The following ZNF547 variants were observed in gnomAD, a reference collection of about 807,000 sequenced individuals.
ZNF547 encodes the protein zinc finger protein 547.
Under a neutral mutation model 7.7 loss-of-function variants are expected in ZNF547, and 4 were observed. The ratio of observed to expected loss-of-function variants is 0.52; its 90% CI spans 0.26 to 1.20. The LOEUF is 1.20. Among genes scored for constraint, ZNF547 ranks in the 50% most tolerant of loss-of-function variants. The pLI, the probability that ZNF547 is intolerant of heterozygous loss-of-function variation, is 0.14. For synonymous variants in ZNF547, 166 were observed against 166.2 expected (o/e 1.00, Z 0.01); for missense variants, 449 against 485.8 (o/e 0.92, Z 0.71).
intron 1 of ZNF547, chr19:57,368,284 G>C (rs2123013204): frequency 2.3e-6 from 1 of 437,472 alleles, no homozygotes. Context: ...ACGAGTGTTT[G>C]ACACCGGTAA....
At chr19:57,376,464 AT>A (rs111391449) in intron 3 of ZNF547, among the ~76,000 whole-genome samples, 1 of 152,338 alleles carries the variant, frequency 6.6e-6, no homozygotes, top group African/African-American at 2.4e-5. Flanking sequence ...CCTGGAAATT[AT>A]TGCCAAACCA....
rs745444032 is a variant in ZNF547 at position 57,378,075 on chromosome 19, C to T, written c.1099C>T (p.Leu367Phe). The change falls in exon 4 of 4, where the codon CTC becomes TTC. Residue 367 changes from leucine to phenylalanine, a missense_variant. Transcript: ENST00000282282. ...GAAGGCCTTCCTTACAAAGTCCCAC[C>T]TCATTTGTCATCAGACAGTTCACAC... ...CGKAFLTKSH[L>F]ICHQTVHTAA... 2 of 1,613,938 alleles carry T rather than the reference C, an allele frequency of 1.2e-6. No homozygotes were observed. Among genetic ancestry groups the T allele is most frequent in the Non-Finnish European group, 1.7e-6 (2 of 1,179,976 alleles).
intron 1 of ZNF547, among the ~76,000 whole-genome samples, chr19:57,367,395 C>T (rs1376203656): frequency 2.0e-5 from 3 of 149,254 alleles, no homozygotes; most frequent in African/African-American, 7.5e-5. Context: ...TTCATTTTTA[C>T]CCTATTTGAT....
chr19:57,367,067 T>A (rs1488208083), intron 1 of ZNF547, among the ~76,000 whole-genome samples: 4 of 152,218 alleles, frequency 2.6e-5, no homozygotes, highest in African/African-American at 9.6e-5. Flanking sequence ...TATATTTCCT[T>A]TCCCTCAGAC....
At chr19:57,365,638 TGG>T (rs1256140302) in intron 1 of ZNF547, among the ~76,000 whole-genome samples, 1 of 151,140 alleles carries the variant, frequency 6.6e-6, no homozygotes, top group Non-Finnish European at 1.5e-5. Flanking sequence ...CCCGAGTAGC[TGG>T]GATTACAGGC....
chr19:57,366,716 A>G (rs1435852004), intron 1 of ZNF547, among the ~76,000 whole-genome samples: 1 of 147,942 alleles, frequency 6.8e-6, no homozygotes, highest in Non-Finnish European at 1.5e-5. Context: ...CGGCCCAGAT[A>G]GGTTGATCTT....
At chr19:57,373,786 G>A (rs2088520415) in intron 3 of ZNF547, among the ~76,000 whole-genome samples, 1 of 152,126 alleles carries the variant, frequency 6.6e-6, no homozygotes, top group African/African-American at 2.4e-5. Context: ...CACATCCAGG[G>A]CACAGTGATG....
intron 3 of ZNF547, among the ~76,000 whole-genome samples, chr19:57,373,303 TGGGGGAAA>T (rs1344890434): frequency 6.6e-6 from 1 of 152,138 alleles, no homozygotes; most frequent in Non-Finnish European, 1.5e-5. Flanking sequence ...GAGAACGGCA[TGGGGGAAA>T]CTGTTCCCAT....
At chr19:57,376,360 G>A (rs959229747) in intron 3 of ZNF547, among the ~76,000 whole-genome samples, 22 of 152,104 alleles carry the variant, frequency 1.4e-4, no homozygotes, top group African/African-American at 5.1e-4. Flanking sequence ...CAAACCGAGG[G>A]TGGGGCTGCT....
At chr19:57,369,040 G>A (rs1182431425) in intron 2 of ZNF547, among the ~76,000 whole-genome samples, 2 of 152,168 alleles carry the variant, frequency 1.3e-5, no homozygotes, top group Non-Finnish European at 2.9e-5. Flanking sequence ...TCTAAGGGAG[G>A]TGGTAGATGG....
intron 3 of ZNF547, among the ~76,000 whole-genome samples, chr19:57,375,124 G>C (rs1358418502): frequency 1.3e-5 from 2 of 152,186 alleles, no homozygotes; most frequent in African/African-American, 4.8e-5. Flanking sequence ...GCTGGGGCAG[G>C]TGGATCATCT....
At chr19:57,369,160 T>C (rs1265596703) in intron 2 of ZNF547, among the ~76,000 whole-genome samples, 1 of 152,074 alleles carries the variant, frequency 6.6e-6, no homozygotes, top group Non-Finnish European at 1.5e-5. Flanking sequence ...CAGGGAGATC[T>C]GAGAGGATGT....
At position 57,379,016 on chromosome 19, in the gene ZNF547, T is replaced by G. The variant is rs1323655706; in HGVS notation, c.*831T>G. ...TTCATTTTTTAGCATGTGTCAGAAA[T>G]TTTAAGGCTGAGCAATATTTCATTG... On this transcript the variant is annotated 3_prime_UTR_variant, in exon 4 of 4. Transcript: ENST00000282282. 1.1e-5 allele frequency: 2 copies of G among 182,028 alleles called. No homozygotes were observed. The highest frequency in any genetic ancestry group is 1.3e-4 in the Admixed American group (2 of 15,902). 11.3% of individuals were successfully genotyped at this position (182,028 alleles called of 1,614,324 possible). A position where few individuals can be genotyped will look rare whatever the true frequency, so the allele number is the denominator to read the frequency against.
intron 3 of ZNF547, among the ~76,000 whole-genome samples, chr19:57,373,993 C>A (rs1339013661): frequency 6.6e-6 from 1 of 152,314 alleles, no homozygotes; most frequent in African/African-American, 2.4e-5. Context: ...CTAGGTAGTA[C>A]CCCAGTAGGG....
intron 1 of ZNF547, among the ~76,000 whole-genome samples, chr19:57,367,161 A>T (rs1333691293): frequency 6.6e-6 from 1 of 152,164 alleles, no homozygotes; most frequent in South Asian, 2.1e-4. Context: ...GATTACATTA[A>T]CATTTGTACT....
chr19:57,365,322 A>G, intron 1 of ZNF547: 1 of 1,077,298 alleles, frequency 9.3e-7, no homozygotes, highest in Non-Finnish European at 1.4e-6. Flanking sequence ...TGTACATTGT[A>G]AATTACTTGA....
intron 1 of ZNF547, chr19:57,364,466 G>GATCATGAAAAA: frequency 4.1e-6 from 1 of 242,424 alleles, no homozygotes; most frequent in Non-Finnish European, 8.1e-6. Flanking sequence ...AGGGTGGCCG[G>GATCATGAAAAA]GCGTGGTGGC....
chr19:57,364,828 A>G, intron 1 of ZNF547: 1 of 1,601,184 alleles, frequency 6.2e-7, no homozygotes, highest in Non-Finnish European at 8.5e-7. Context: ...CCATATATTG[A>G]AGACCATGTC....
At chr19:57,373,582 A>G (rs2088519262) in intron 3 of ZNF547, among the ~76,000 whole-genome samples, 2 of 152,196 alleles carry the variant, frequency 1.3e-5, no homozygotes, top group South Asian at 2.1e-4. Flanking sequence ...CCTTCTGCCT[A>G]TGAGCCTGTA....
Sources: gnomAD v4.1 joint callset for allele counts (sites outside exome capture counted in the v4.1 genomes callset) on GRCh38, gnomAD v4.1.1 for gene constraint, MANE v1.5 for transcripts, NCBI Gene and HGNC (gene_info 2026-07-23, HGNC 2026-07-21) for gene names.